PEX13: variants seen among roughly 807,000 people sequenced by gnomAD.
PEX13 encodes the protein peroxisome biogenesis factor 13.
A neutral mutation model predicts 34.5 loss-of-function variants in PEX13; 28 were observed. The ratio of observed to expected loss-of-function variants is 0.81; its 90% confidence interval spans 0.60 to 1.11. PEX13 has a LOEUF of 1.11. Ranked by LOEUF, PEX13 falls within the 50% of genes most tolerant of loss-of-function variation. The probability of loss-of-function intolerance (pLI) is 0.00; values close to 1 mark genes in which losing one functional copy is unlikely to be tolerated. For missense variants in PEX13, 550 were observed against 491.0 expected, an observed-to-expected ratio of 1.12 and a Z score of -1.13; for synonymous variants, 177 against 175.1, an observed-to-expected ratio of 1.01 and a Z score of -0.09.
At chr2:61,032,902 A>G (rs1451152112) in intron 2 of PEX13, among the ~76,000 whole-genome samples, 1 of 152,208 alleles carries the variant, frequency 6.6e-6, no homozygotes, top group African/African-American at 2.4e-5. Context: ...TTTATTTGGT[A>G]GTTGTCCTAT....
At chr2:61,027,199 A>C (rs1170853685) in intron 1 of PEX13, among the ~76,000 whole-genome samples, 7 of 150,934 alleles carry the variant, frequency 4.6e-5, no homozygotes, top group Admixed American at 4.6e-4. Flanking sequence ...AAAGGCAGGC[A>C]TGGTGGTGCA....
intron 1 of PEX13, among the ~76,000 whole-genome samples, chr2:61,026,861 A>G (rs1680365673): frequency 6.6e-6 from 1 of 151,286 alleles, no homozygotes; most frequent in South Asian, 2.1e-4. Context: ...TAGTGTTTTT[A>G]TTTCTTCATG....
intron 2 of PEX13, among the ~76,000 whole-genome samples, chr2:61,032,755 T>G (rs1680473383): frequency 6.6e-6 from 1 of 152,220 alleles, no homozygotes; most frequent in South Asian, 2.1e-4. Context: ...CATTTTTTAC[T>G]GTGGTATCCA....
At chr2:61,019,189 C>G (rs1354041841) in intron 1 of PEX13, 1 of 151,938 alleles carries the variant, frequency 6.6e-6, no homozygotes, top group Admixed American at 6.6e-5. Flanking sequence ...TAAAACTTAA[C>G]AATGTAACAA....
At chr2:61,021,104 C>T (rs898689864) in intron 1 of PEX13, among the ~76,000 whole-genome samples, 1 of 152,162 alleles carries the variant, frequency 6.6e-6, no homozygotes, top group Non-Finnish European at 1.5e-5. Context: ...GCGTGATTGA[C>T]GCACAGGACG....
Position 61,031,709 on chromosome 2 carries a change from G to A in PEX13, c.383G>A (p.Gly128Asp). 1.2e-6 allele frequency: 2 copies of A among 1,614,204 alleles called. No homozygotes were observed. Among genetic ancestry groups the A allele is most frequent in the Non-Finnish European group, 1.7e-6 (2 of 1,180,036 alleles). The change falls in exon 2 of 4, where the codon GGT becomes GAT. Residue 128 changes from glycine (G) to aspartate (D), a missense_variant. Coordinates refer to ENST00000295030, the MANE Select transcript of PEX13 (RefSeq NM_002618.4). ...FVQQAEESSR[G>D]AFQSIESIVH... The stretch of plus-strand genomic sequence containing the variant: ...CAGCAAGCTGAAGAAAGCAGCAGGG[G>A]TGCATTTCAGTCCATTGAAAGTATT...
At chr2:61,025,933 A>G (rs966066607) in intron 1 of PEX13, among the ~76,000 whole-genome samples, 1 of 152,018 alleles carries the variant, frequency 6.6e-6, no homozygotes, top group African/African-American at 2.4e-5. Flanking sequence ...AGGGTTCCCT[A>G]TGGCTTTCCT....
In PEX13 at chr2:61,031,555, T is replaced by A. The variant is rs150161574; in HGVS notation, c.229T>A (p.Ser77Thr). 240 of 1,614,200 alleles carry A rather than the reference T, an allele frequency of 1.5e-4. No individual in the cohort carries two copies. The African/African-American group carries it at 2.8e-3, about 19-fold the overall frequency. Residue 77 changes from serine to threonine, a missense_variant, in exon 2 of 4, where the codon TCA becomes ACA. Ser to Thr is a moderately conservative substitution (Grantham distance 58). Transcript: ENST00000295030. ...SVNTFRPAYS[S>T]FSSGYGAYGN... Reference sequence around the variant, plus strand: ...GAACACTTTTAGACCTGCTTACAGTTCATTTTCTTCTGGATATGGTGCCTA... The same window carrying A: ...GAACACTTTTAGACCTGCTTACAGTACATTTTCTTCTGGATATGGTGCCTA...
At chr2:61,046,146 G>T (rs80235377) in intron 3 of PEX13, among the ~76,000 whole-genome samples, 2 of 152,156 alleles carry the variant, frequency 1.3e-5, no homozygotes. Flanking sequence ...AAAACGTGAT[G>T]TCAGTAACTA....
chr2:61,040,678 T>C (rs372204162), intron 2 of PEX13, among the ~76,000 whole-genome samples: 2 of 151,408 alleles, frequency 1.3e-5, no homozygotes, highest in East Asian at 1.9e-4. Flanking sequence ...ATGACACATA[T>C]ATACCTCTGT....
At chr2:61,041,489 AAGG>A (rs1680625494) in intron 2 of PEX13, among the ~76,000 whole-genome samples, 1 of 152,208 alleles carries the variant, frequency 6.6e-6, no homozygotes, top group African/African-American at 2.4e-5. Context: ...TGAATGATGT[AAGG>A]TTCTACAATA....
intron 1 of PEX13, among the ~76,000 whole-genome samples, chr2:61,030,600 T>C (rs1387435126): frequency 6.6e-6 from 1 of 152,216 alleles, no homozygotes; most frequent in African/African-American, 2.4e-5. Context: ...AGGCATGGGC[T>C]ATTGTGCTGT....
At chr2:61,018,416 G>C (rs12996059) in intron 1 of PEX13, 194,221 of 1,175,252 alleles carry the variant, frequency 0.17, 17,525 homozygotes, top group Non-Finnish European at 0.19. Context: ...TTCTAGATCT[G>C]AGGCCTATGG....
intron 1 of PEX13, among the ~76,000 whole-genome samples, chr2:61,023,310 C>T (rs964656688): frequency 3.9e-5 from 6 of 152,068 alleles, no homozygotes; most frequent in African/African-American, 1.4e-4. Flanking sequence ...TGGCCTAATT[C>T]ATTTCTTTAT....
intron 1 of PEX13, among the ~76,000 whole-genome samples, chr2:61,027,358 C>T (rs1404962400): frequency 1.4e-5 from 2 of 145,958 alleles, no homozygotes; most frequent in African/African-American, 5.1e-5. Flanking sequence ...AAAAACAAAA[C>T]ACACACACAC....
intron 1 of PEX13, among the ~76,000 whole-genome samples, chr2:61,021,665 G>A (rs534835595): frequency 2.0e-5 from 3 of 152,338 alleles, no homozygotes; most frequent in African/African-American, 7.2e-5. Flanking sequence ...GAAGAGAGCA[G>A]TGGTTCTCCC....
chr2:61,044,560 A>G (rs1468743830), intron 2 of PEX13, among the ~76,000 whole-genome samples: 2 of 151,930 alleles, frequency 1.3e-5, no homozygotes, highest in East Asian at 1.9e-4. Context: ...CTAATTTTGT[A>G]TTTTTAGTAG....
chr2:61,022,257 G>A (rs528203288), intron 1 of PEX13, among the ~76,000 whole-genome samples: 104 of 152,252 alleles, frequency 6.8e-4, no homozygotes, highest in African/African-American at 2.2e-3. Context: ...GTTCTAACCC[G>A]TCGCAAAGAA....
Position 61,051,195 on chromosome 2 carries a change from G to T in PEX13, c.*2425G>T, listed in dbSNP as rs1163336437. On this transcript the variant is annotated 3_prime_UTR_variant, in exon 4 of 4. Coordinates refer to ENST00000295030, the MANE Select transcript of PEX13 (RefSeq NM_002618.4). Reference sequence around the variant, plus strand: ...ATTAGCCTTGAAGTTGAAGAGATAAGGTTTCTTGTATATTATTTTTCATTT... The same window carrying T: ...ATTAGCCTTGAAGTTGAAGAGATAATGTTTCTTGTATATTATTTTTCATTT... 2 of 152,174 alleles carry T rather than the reference G, an allele frequency of 1.3e-5. No homozygotes were observed. The highest frequency in any genetic ancestry group is 4.8e-5 in the African/African-American group (2 of 41,408). 9.4% of individuals were successfully genotyped at this position (152,174 alleles called of 1,614,324 possible). A position where few individuals can be genotyped will look rare whatever the true frequency, so the allele number is the denominator to read the frequency against.
Sources: gnomAD v4.1 joint callset for allele counts (sites outside exome capture counted in the v4.1 genomes callset) on GRCh38, gnomAD v4.1.1 for gene constraint, MANE v1.5 for transcripts, NCBI Gene and HGNC (gene_info 2026-07-23, HGNC 2026-07-21) for gene names.